Variants in STIM1 observed in about 807,000 individuals in gnomAD.
The protein encoded by STIM1 is stromal interaction molecule 1.
A neutral mutation model predicts 74.7 loss-of-function variants in STIM1; 25 were observed. The ratio of observed to expected loss-of-function variants is 0.33; its 90% CI spans 0.24 to 0.47. The LOEUF is 0.47. Ranked by LOEUF, STIM1 falls within the 20% of genes least tolerant of loss-of-function variation. The pLI, the probability that STIM1 is intolerant of heterozygous loss-of-function variation, is 1.00. For synonymous variants in STIM1, 328 were observed against 348.8 expected, an observed-to-expected ratio of 0.94 and a Z score of 0.66; for missense variants, 728 against 920.8, an observed-to-expected ratio of 0.79 and a Z score of 2.71.
intron 1 of STIM1, among the ~76,000 whole-genome samples, chr11:3,955,374 C>G (rs1325433760): frequency 6.6e-6 from 1 of 152,124 alleles, no homozygotes; most frequent in Non-Finnish European, 1.5e-5. Context: ...TTATATGTAA[C>G]TGTACCTTAA....
chr11:3,920,830 C>G (rs1565115906), intron 1 of STIM1, among the ~76,000 whole-genome samples: 2 of 146,996 alleles, frequency 1.4e-5, no homozygotes, highest in Non-Finnish European at 3.0e-5. Flanking sequence ...GAGCCTTGTT[C>G]TGTTTCCCAG....
intron 1 of STIM1, among the ~76,000 whole-genome samples, chr11:3,908,773 C>T (rs1023936810): frequency 6.6e-6 from 1 of 152,110 alleles, no homozygotes; most frequent in East Asian, 1.9e-4. Context: ...TTATAAACCA[C>T]AAGCCTAGAA....
At chr11:4,013,357 C>G (rs1483519380) in intron 2 of STIM1, among the ~76,000 whole-genome samples, 2 of 152,128 alleles carry the variant, frequency 1.3e-5, no homozygotes, top group Non-Finnish European at 2.9e-5. Context: ...TGGTCCTGGA[C>G]TTTTCTTGGT....
chr11:3,985,331 CTTTGTG>C (rs2093548469), intron 2 of STIM1, among the ~76,000 whole-genome samples: 1 of 151,834 alleles, frequency 6.6e-6, no homozygotes, highest in African/African-American at 2.4e-5. Context: ...CTATATGTGC[CTTTGTG>C]TTTGTGTTTT....
chr11:3,999,206 C>T (rs964425805), intron 2 of STIM1, among the ~76,000 whole-genome samples: 1 of 152,230 alleles, frequency 6.6e-6, no homozygotes, highest in African/African-American at 2.4e-5. Flanking sequence ...AAAATTAGCC[C>T]CTGTGCCTGT....
intron 1 of STIM1, among the ~76,000 whole-genome samples, chr11:3,951,852 C>T (rs2093152615): frequency 6.6e-6 from 1 of 152,068 alleles, no homozygotes; most frequent in Non-Finnish European, 1.5e-5. Flanking sequence ...GGCACAAGAA[C>T]GTTTGGGTCA....
intron 2 of STIM1, among the ~76,000 whole-genome samples, 196 bp from the exon 3 acceptor site, chr11:4,023,675 CAT>C (rs1210308534): frequency 3.3e-5 from 5 of 152,030 alleles, no homozygotes; most frequent in African/African-American, 4.8e-5. Flanking sequence ...TCAAGTGAGA[CAT>C]GTAACAAAGA....
At chr11:3,960,026 A>G (rs1356418551) in intron 1 of STIM1, among the ~76,000 whole-genome samples, 2 of 152,212 alleles carry the variant, frequency 1.3e-5, no homozygotes, top group African/African-American at 4.8e-5. Context: ...ATTGCATCCC[A>G]TGAGTTCATG....
In STIM1 at chr11:4,091,680, T is replaced by A. The variant is rs1372331507; in HGVS notation, c.2033T>A (p.Leu678Gln). 1 of 1,614,190 alleles carries A rather than the reference T, an allele frequency of 6.2e-7. No homozygotes were observed. Among genetic ancestry groups the A allele is most frequent in the Non-Finnish European group, 8.5e-7 (1 of 1,180,036 alleles). ...AGCCGAAACACACGCATTCCCCACC[T>A]GGCTGGCAAGAAGGCTGTGGCTGAG... ...QASRNTRIPH[L>Q]AGKKAVAEED... is the part of the protein sequence containing the mutation. Residue 678 changes from leucine to glutamine, a missense_variant, in exon 13 of 13, where the codon CTG (leucine) becomes CAG (glutamine). Leu to Gln is a moderately radical substitution (Grantham distance 113). Transcript: ENST00000526596.
At chr11:4,028,689 C>T (rs764962693) in intron 3 of STIM1, among the ~76,000 whole-genome samples, 1 of 152,018 alleles carries the variant, frequency 6.6e-6, no homozygotes, top group Admixed American at 6.6e-5. Context: ...GGATTACAGG[C>T]GTGAGCCACC....
intron 3 of STIM1, among the ~76,000 whole-genome samples, chr11:4,044,697 C>A (rs992316538): frequency 6.6e-6 from 1 of 152,294 alleles, no homozygotes; most frequent in Admixed American, 6.5e-5. Context: ...GAGGTTTGGT[C>A]TGACATGCTG....
In STIM1 at chr11:4,082,339, G is replaced by A; in HGVS notation, c.1125G>A (p.Val375=). 8 of 1,612,076 alleles carry A rather than the reference G, an allele frequency of 5.0e-6. No individual in the cohort carries two copies. In the Middle Eastern group the frequency reaches 1.1e-3, roughly 229 times the overall value. Residue 375 remains valine (V), a synonymous_variant, in exon 8 of 13, where the codon GTG becomes GTA. Transcript: ENST00000526596. Reference sequence around the variant, plus strand: ...AAAATGCTGAGAAGCAGCTGCTGGTGGCCAAGGAGGGGGTGAGAACAGCCC... The same window carrying A: ...AAAATGCTGAGAAGCAGCTGCTGGTAGCCAAGGAGGGGGTGAGAACAGCCC... ...KKQNAEKQLL[V]AKEGAEKIKK...
At chr11:3,929,957 G>A (rs2092837584) in intron 1 of STIM1, among the ~76,000 whole-genome samples, 1 of 152,072 alleles carries the variant, frequency 6.6e-6, no homozygotes, top group South Asian at 2.1e-4. Context: ...CTGCTTGCTG[G>A]TAATTTCTTC....
At chr11:4,002,268 A>G (rs1228254398) in intron 2 of STIM1, among the ~76,000 whole-genome samples, 1 of 151,884 alleles carries the variant, frequency 6.6e-6, no homozygotes, top group Non-Finnish European at 1.5e-5. Flanking sequence ...CTCCACCCCA[A>G]ATCAACAGAA....
intron 1 of STIM1, among the ~76,000 whole-genome samples, chr11:3,943,139 C>G (rs888135710): frequency 1.3e-5 from 2 of 152,186 alleles, no homozygotes; most frequent in Non-Finnish European, 2.9e-5. Flanking sequence ...CTTCTGCCAT[C>G]TAGATGTTTT....
At chr11:3,920,581 G>A (rs1590566111) in intron 1 of STIM1, among the ~76,000 whole-genome samples, 1 of 152,068 alleles carries the variant, frequency 6.6e-6, no homozygotes, top group Non-Finnish European at 1.5e-5. Flanking sequence ...GTCCCCAAGT[G>A]TATAATTGGG....
chr11:3,921,514 A>T (rs1263070469), intron 1 of STIM1, among the ~76,000 whole-genome samples: 2 of 152,196 alleles, frequency 1.3e-5, no homozygotes, highest in Non-Finnish European at 2.9e-5. Flanking sequence ...TGCTAACCAG[A>T]CAGCATTAGC....
At chr11:3,981,513 T>A (rs1448853155) in intron 2 of STIM1, among the ~76,000 whole-genome samples, 1 of 152,232 alleles carries the variant, frequency 6.6e-6, no homozygotes, top group Non-Finnish European at 1.5e-5. Context: ...TACTATCTTA[T>A]TGTTTTATGC....
chr11:3,960,846 G>T (rs531790332), intron 1 of STIM1, among the ~76,000 whole-genome samples: 1 of 152,032 alleles, frequency 6.6e-6, no homozygotes, highest in Non-Finnish European at 1.5e-5. Flanking sequence ...TTGCAAAAAT[G>T]TACAATTCTA....
Sources: allele counts gnomAD v4.1 joint callset (sites outside exome capture counted in the v4.1 genomes callset), GRCh38; gene constraint gnomAD v4.1.1; transcripts MANE v1.5; gene names NCBI Gene and HGNC (gene_info 2026-07-23, HGNC 2026-07-21).